DNAJC1: variants seen among roughly 807,000 people sequenced by gnomAD.
DNAJC1 encodes DnaJ heat shock protein family (Hsp40) member C1.
DNAJC1 carries 58 observed loss-of-function variants against 76.6 expected under a neutral mutation model. That is an observed-to-expected ratio of 0.76 (90% CI 0.61 to 0.94). The LOEUF is 0.94. Ranked by LOEUF, DNAJC1 falls within the 40% of genes least tolerant of loss-of-function variation. The pLI, the probability that DNAJC1 is intolerant of heterozygous loss-of-function variation, is 0.00. For missense variants in DNAJC1, 689 were observed against 677.3 expected (o/e 1.02, Z -0.19); for synonymous variants, 258 against 267.9 (o/e 0.96, Z 0.36).
intron 9 of DNAJC1, among the ~76,000 whole-genome samples, chr10:21,792,974 G>A (rs1247999591): frequency 6.6e-6 from 1 of 151,954 alleles, no homozygotes. Context: ...TGATAAAAAT[G>A]CTCAAGCTAG....
intron 7 of DNAJC1, among the ~76,000 whole-genome samples, chr10:21,895,520 T>C (rs1836527122): frequency 6.6e-6 from 1 of 152,166 alleles, no homozygotes; most frequent in Admixed American, 6.5e-5. Context: ...CTTGACTACT[T>C]ATAGTAAAAT....
intron 8 of DNAJC1, among the ~76,000 whole-genome samples, chr10:21,809,242 T>C (rs1834927674): frequency 6.6e-6 from 1 of 152,098 alleles, no homozygotes; most frequent in Non-Finnish European, 1.5e-5. Context: ...CTAAAAATTA[T>C]GGCCAAATTA....
At chr10:21,809,927 C>T (rs1440359134) in intron 8 of DNAJC1, among the ~76,000 whole-genome samples, 1 of 151,640 alleles carries the variant, frequency 6.6e-6, no homozygotes, top group Non-Finnish European at 1.5e-5. Flanking sequence ...GCTCAGTCTT[C>T]ACATGGCCTT....
intron 7 of DNAJC1, among the ~76,000 whole-genome samples, chr10:21,889,663 T>C (rs944912550): frequency 5.3e-5 from 8 of 152,160 alleles, no homozygotes; most frequent in Non-Finnish European, 1.2e-4. Flanking sequence ...TTGTGTTTCT[T>C]ATGTATCTCA....
rs567521275 is a variant in DNAJC1, at chr10:21,839,431, C to T, written c.979-33332G>A. Among the ~76,000 whole-genome samples the T allele has an allele frequency of 2.6e-5, 4 of 152,240 alleles. No individual in the cohort carries two copies. The East Asian group carries it at 7.7e-4, about 29-fold the overall frequency. On this transcript the variant is annotated intron_variant, in intron 8 of 11. Transcript: ENST00000376980. ...TGATAAAGGGGATATCACCACTGAT[C>T]CCACAGAAATACAAACTACCATCAG... is the stretch of plus-strand genomic sequence containing the variant.
chr10:21,869,636 A>G (rs1229501511), intron 8 of DNAJC1, among the ~76,000 whole-genome samples: 2 of 152,134 alleles, frequency 1.3e-5, no homozygotes, highest in Non-Finnish European at 2.9e-5. Flanking sequence ...TTAAATATTT[A>G]ACTGAACTTG....
intron 9 of DNAJC1, among the ~76,000 whole-genome samples, chr10:21,786,451 TATATATATATATAGAGAG>T (rs1227389514): frequency 7.0e-4 from 67 of 95,716 alleles, no homozygotes; most frequent in East Asian, 2.5e-3. Context: ...TATATATATA[TATATATATATATAGAGAG>T]AGAGAGAGAG....
intron 9 of DNAJC1, among the ~76,000 whole-genome samples, chr10:21,786,427 AATATATATAT>A (rs71472824): frequency 0.022 from 675 of 31,328 alleles, 41 homozygotes; most frequent in East Asian, 0.13. Flanking sequence ...TTAAAATGGG[AATATATATAT>A]ATATATATAT....
chr10:21,834,876 C>A (rs772658104), intron 8 of DNAJC1, among the ~76,000 whole-genome samples: 1 of 152,238 alleles, frequency 6.6e-6, no homozygotes, highest in Admixed American at 6.5e-5. Context: ...CGCCTGCCTA[C>A]CTCTGTAGGC....
At chr10:21,994,732 A>G (rs2131850140) in intron 1 of DNAJC1, among the ~76,000 whole-genome samples, 1 of 152,202 alleles carries the variant, frequency 6.6e-6, no homozygotes, top group Non-Finnish European at 1.5e-5. Flanking sequence ...CAGAGCTTGC[A>G]GTAAGCCGAG....
Position 21,830,477 on chromosome 10 carries a change from G to A in DNAJC1, c.979-24378C>T, listed in dbSNP as rs542529573. 7.2e-5 allele frequency among the ~76,000 whole-genome samples: 11 copies of A among 151,740 alleles called. No homozygotes were observed. The South Asian group carries it at 1.0e-3, about 14-fold the overall frequency. ...GAAGGTAATTGGTAGTATAACTGGC[G>A]TTCCTTTGTTTTCTCTCTGTGGTTA... On this transcript the variant is annotated intron_variant, in intron 8 of 11. Transcript: ENST00000376980.
At chr10:21,856,563 C>T (rs1159530756) in intron 8 of DNAJC1, among the ~76,000 whole-genome samples, 1 of 152,032 alleles carries the variant, frequency 6.6e-6, no homozygotes, top group East Asian at 1.9e-4. Context: ...TTAAAACTGG[C>T]AACTGTCACA....
chr10:22,000,856 T>A (rs544154463), intron 1 of DNAJC1, among the ~76,000 whole-genome samples: 1 of 152,326 alleles, frequency 6.6e-6, no homozygotes, highest in Admixed American at 6.5e-5. Context: ...GCCGGTGCCT[T>A]AATCTTGGAT....
intron 8 of DNAJC1, among the ~76,000 whole-genome samples, chr10:21,848,897 A>T (rs1162760043): frequency 6.6e-6 from 1 of 152,202 alleles, no homozygotes; most frequent in Admixed American, 6.5e-5. Flanking sequence ...GAAAAATCAA[A>T]AGGGAAATTT....
intron 7 of DNAJC1, among the ~76,000 whole-genome samples, chr10:21,888,181 T>C (rs993447929): frequency 2.0e-5 from 3 of 152,042 alleles, no homozygotes; most frequent in Non-Finnish European, 4.4e-5. Flanking sequence ...AAAACCACAA[T>C]GAGATACCAT....
At chr10:21,981,907 A>G (rs1429249731) in intron 1 of DNAJC1, among the ~76,000 whole-genome samples, 1 of 152,134 alleles carries the variant, frequency 6.6e-6, no homozygotes, top group African/African-American at 2.4e-5. Context: ...AAACCCTACC[A>G]TTGATATCCG....
intron 6 of DNAJC1, among the ~76,000 whole-genome samples, chr10:21,912,828 G>A (rs776965155): frequency 9.2e-5 from 14 of 151,904 alleles, no homozygotes; most frequent in Non-Finnish European, 1.6e-4. Context: ...AAGCAGAAGC[G>A]AAGGGGCTAG....
intron 1 of DNAJC1, among the ~76,000 whole-genome samples, chr10:21,977,884 T>C (rs950545389): frequency 2.0e-5 from 3 of 152,016 alleles, no homozygotes; most frequent in Admixed American, 6.6e-5. Flanking sequence ...TACAGAAAAA[T>C]AATAAGTAAA....
chr10:21,899,703 C>T (rs1424947604), intron 7 of DNAJC1, among the ~76,000 whole-genome samples: 15 of 152,186 alleles, frequency 9.9e-5, no homozygotes, highest in Admixed American at 3.3e-4. Context: ...CTGTTGAGGA[C>T]GGGAATGGGA....
Sources: gnomAD v4.1 joint callset for allele counts (sites outside exome capture counted in the v4.1 genomes callset) on GRCh38, gnomAD v4.1.1 for gene constraint, MANE v1.5 for transcripts, NCBI Gene and HGNC (gene_info 2026-07-23, HGNC 2026-07-21) for gene names.